LRP1B: variants seen among roughly 807,000 people sequenced by gnomAD.
LRP1B encodes low-density lipoprotein receptor-related protein 1B.
A neutral mutation model predicts 556.6 loss-of-function variants in LRP1B; 217 were observed. The ratio of observed to expected loss-of-function variants is 0.39; its 90% CI spans 0.35 to 0.44. LRP1B has a LOEUF of 0.44. Among genes scored for constraint, LRP1B ranks in the 20% least tolerant of loss-of-function variants. The probability of loss-of-function intolerance (pLI) is 1.00; values close to 1 mark genes in which losing one functional copy is unlikely to be tolerated. For synonymous variants in LRP1B, 2,047 were observed against 1,865.8 expected, an observed-to-expected ratio of 1.10 and a Z score of -2.50; for missense variants, 5,053 against 5,620.8, an observed-to-expected ratio of 0.90 and a Z score of 3.23.
chr2:140,270,465 G>T, intron 85 of LRP1B, 119 bp from the exon 86 acceptor site: 1 of 630,506 alleles, frequency 1.6e-6, no homozygotes, highest in Non-Finnish European at 2.8e-6. Context: ...GGAGTGGCTG[G>T]TTAAAAGGAA....
chr2:141,186,695 G>A (rs2105188297), intron 7 of LRP1B, among the ~76,000 whole-genome samples: 1 of 152,176 alleles, frequency 6.6e-6, no homozygotes, highest in African/African-American at 2.4e-5. Flanking sequence ...CAGAGAATAA[G>A]AGCAAATGAT....
At chr2:141,226,712 T>C (rs1224480383) in intron 6 of LRP1B, among the ~76,000 whole-genome samples, 1 of 152,132 alleles carries the variant, frequency 6.6e-6, no homozygotes, top group Non-Finnish European at 1.5e-5. Context: ...ATGCAAAGAA[T>C]ATTCAAACTT....
chr2:140,232,093 C>T lies in LRP1B; in HGVS notation c.*1093G>A, dbSNP rs1680499541. 1 of 151,296 alleles carries T rather than the reference C, an allele frequency of 6.6e-6. No homozygotes were observed. The highest frequency in any genetic ancestry group is 2.0e-4 in the East Asian group (1 of 5,106). The allele number at this position is 151,296 out of a possible 1,614,324, so 9.4% of individuals were successfully genotyped here. On this transcript the variant is annotated 3_prime_UTR_variant, in exon 91 of 91. Transcript: ENST00000389484. ...TGGGAAGATCATTGTTCTTCTACAA[C>T]TTGGAAGGCCCTTGAATATATTTTG...
chr2:140,299,030 G>C (rs551318809), intron 83 of LRP1B, among the ~76,000 whole-genome samples: 2 of 152,196 alleles, frequency 1.3e-5, no homozygotes, highest in African/African-American at 4.8e-5. Context: ...GAATATTCAA[G>C]CCATCTTTCT....
At chr2:141,625,325 T>C (rs1574157342) in intron 2 of LRP1B, among the ~76,000 whole-genome samples, 1 of 152,190 alleles carries the variant, frequency 6.6e-6, no homozygotes, top group Admixed American at 6.5e-5. Flanking sequence ...TTATACTCAA[T>C]GATAGGGTAT....
intron 11 of LRP1B, among the ~76,000 whole-genome samples, chr2:141,047,298 G>C (rs879373230): frequency 6.6e-6 from 1 of 151,924 alleles, no homozygotes; most frequent in Admixed American, 6.6e-5. Flanking sequence ...CAGGATTTAC[G>C]TTGCCTTAAT....
At chr2:141,165,344 G>GTTTA (rs113362457) in intron 7 of LRP1B, among the ~76,000 whole-genome samples, 150,054 of 151,518 alleles carry the variant, frequency 0.99, 74,305 homozygotes, top group East Asian at 1. Flanking sequence ...TCTTATTTTT[G>GTTTA]TTTATTTATT....
intron 4 of LRP1B, 35 bp from the exon 5 acceptor site, chr2:141,247,389 T>C (rs111565621): frequency 6.9e-6 from 11 of 1,603,636 alleles, no homozygotes; most frequent in Admixed American, 1.7e-5. Flanking sequence ...TCTAAGCAGC[T>C]TTATCTTGGG....
chr2:141,920,281 G>GT (rs1700149787), intron 1 of LRP1B, among the ~76,000 whole-genome samples: 1 of 110,346 alleles, frequency 9.1e-6, no homozygotes, highest in Admixed American at 9.6e-5. Context: ...TTTTTTTTTG[G>GT]GGGGGGGTGG....
chr2:141,342,430 C>T (rs182554666), intron 3 of LRP1B, among the ~76,000 whole-genome samples: 2 of 151,986 alleles, frequency 1.3e-5, no homozygotes, highest in Admixed American at 6.6e-5. Context: ...AGGTAATTCA[C>T]TAAATGATTA....
chr2:140,524,731 T>A (rs1003617282), intron 49 of LRP1B, among the ~76,000 whole-genome samples: 7 of 151,764 alleles, frequency 4.6e-5, no homozygotes, highest in African/African-American at 1.7e-4. Flanking sequence ...CAGTTGCAAG[T>A]GGGAGCTAAA....
intron 1 of LRP1B, among the ~76,000 whole-genome samples, chr2:142,096,349 A>G (rs550140447): frequency 7.3e-5 from 11 of 151,680 alleles, no homozygotes; most frequent in Non-Finnish European, 1.5e-4. Context: ...CCAAAGCAGA[A>G]GTAGAATGTC....
intron 7 of LRP1B, among the ~76,000 whole-genome samples, chr2:141,187,031 G>A (rs1419244484): frequency 1.3e-5 from 2 of 152,032 alleles, no homozygotes; most frequent in South Asian, 2.1e-4. Context: ...AAACATGCAA[G>A]CAATATATTT....
rs202051210 is a variant in LRP1B at position 141,479,762 on chromosome 2, C to T, written c.343+634G>A. The stretch of plus-strand genomic sequence containing the variant: ...TTCATCTCATGTTTCATTCTCCCCA[C>T]TCCACCCCGCACTAGAAAGTGCCAG... On this transcript the variant is annotated intron_variant, in intron 3 of 90. Transcript: ENST00000389484. Among the ~76,000 whole-genome samples the T allele has an allele frequency of 1.1e-4, 17 of 152,230 alleles. No homozygotes were observed. In the East Asian group the frequency reaches 3.3e-3, roughly 29 times the overall value.
intron 2 of LRP1B, among the ~76,000 whole-genome samples, chr2:141,636,352 G>A (rs355602): frequency 1 from 151,865 of 152,248 alleles, 75,742 homozygotes; most frequent in Middle Eastern, 1. Context: ...TAATAAATTA[G>A]ATGTCCAAAA....
chr2:140,649,864 G>T (rs1684613658), intron 41 of LRP1B, among the ~76,000 whole-genome samples: 1 of 152,094 alleles, frequency 6.6e-6, no homozygotes, highest in Non-Finnish European at 1.5e-5. Flanking sequence ...TTATAGTTTG[G>T]CAATAAATAT....
chr2:140,584,091 A>G (rs182377510), intron 43 of LRP1B, among the ~76,000 whole-genome samples: 33 of 152,218 alleles, frequency 2.2e-4, no homozygotes, highest in Admixed American at 7.2e-4. Context: ...AGAGAGTCAA[A>G]CACAGGGAAA....
intron 2 of LRP1B, among the ~76,000 whole-genome samples, chr2:141,614,722 C>T (rs1388717710): frequency 6.6e-6 from 1 of 151,998 alleles, no homozygotes; most frequent in Non-Finnish European, 1.5e-5. Context: ...AAAGAAGAGG[C>T]ATAGAATAGA....
chr2:140,415,575 C>A (rs1685157421), intron 66 of LRP1B, among the ~76,000 whole-genome samples: 1 of 152,110 alleles, frequency 6.6e-6, no homozygotes, highest in African/African-American at 2.4e-5. Flanking sequence ...GAAAATAGAA[C>A]CTACACTGAA....
Sources: gnomAD v4.1 joint callset for allele counts (sites outside exome capture counted in the v4.1 genomes callset) on GRCh38, gnomAD v4.1.1 for gene constraint, MANE v1.5 for transcripts, NCBI Gene and HGNC (gene_info 2026-07-23, HGNC 2026-07-21) for gene names.